The following MEG3 variants were observed in gnomAD, a reference collection of about 807,000 sequenced individuals.
MEG3 encodes maternally expressed 3.
intron 2 of MEG3, among the ~76,000 whole-genome samples, chr14:100,838,190 A>C (rs1352309762): frequency 6.6e-6 from 1 of 152,150 alleles, no homozygotes; most frequent in Admixed American, 6.5e-5. Flanking sequence ...GACTTTCCCA[A>C]GGTGGACTAA....
chr14:100,838,620 C>T (rs145764070), intron 2 of MEG3, among the ~76,000 whole-genome samples: 1 of 152,300 alleles, frequency 6.6e-6, no homozygotes, highest in Non-Finnish European at 1.5e-5. Flanking sequence ...GACCCTGTCA[C>T]ATCAGCGGAG....
At chr14:100,855,765 C>T (rs1022706764), upstream of MEG3, 24 of 152,302 alleles carry the variant, frequency 1.6e-4, no homozygotes, top group African/African-American at 5.3e-4. Context: ...ACAATGAACA[C>T]GTTGGTAAAG....
At chr14:100,851,394 G>C (rs912256141) in intron 3 of MEG3, 1 of 152,230 alleles carries the variant, frequency 6.6e-6, no homozygotes, top group Non-Finnish European at 1.5e-5. Context: ...TGCCACCCTG[G>C]GTGTGGCACC....
At chr14:100,842,870 A>G (rs1357373136) in intron 2 of MEG3, among the ~76,000 whole-genome samples, 1 of 152,192 alleles carries the variant, frequency 6.6e-6, no homozygotes, top group Non-Finnish European at 1.5e-5. Flanking sequence ...CACTGCACGC[A>G]CTTATGAGGT....
intron 2 of MEG3, among the ~76,000 whole-genome samples, chr14:100,843,274 C>T (rs898066842): frequency 2.0e-5 from 3 of 152,186 alleles, no homozygotes; most frequent in Non-Finnish European, 2.9e-5. Context: ...ACAAAGCACC[C>T]GCCTCTGATT....
chr14:100,852,852 ACT>A (rs1299485027), upstream of MEG3: 2 of 174,502 alleles, frequency 1.1e-5, no homozygotes, highest in African/African-American at 4.8e-5. Context: ...AGTGGGTCGA[ACT>A]GAGCCAATGA....
Position 100,845,193 on chromosome 14 carries a change from C to T in MEG3, n.3046-265C>T, listed in dbSNP as rs2037880730. 6.6e-6 allele frequency among the ~76,000 whole-genome samples: 1 copy of T among 152,230 alleles called. No individual in the cohort carries two copies. The highest frequency in any genetic ancestry group is 1.5e-5 in the Non-Finnish European group (1 of 68,042). ...TCCTAAGCCTTTGGGTCCCACAGAG[C>T]ACGACTTCGCTCCGTGAACAGCACC... is the stretch of plus-strand genomic sequence containing the variant. On this transcript the variant is annotated intron_variant and non_coding_transcript_variant, in intron 2 of 3. Coordinates refer to the MEG3 transcript ENST00000398461. The surrounding 1 kb of genome is among the most constrained non-coding windows in gnomAD (Gnocchi z 5.2).
intron 1 of MEG3, chr14:100,826,382 T>C (rs2139927134): frequency 6.6e-6 from 1 of 152,426 alleles, no homozygotes; most frequent in Admixed American, 6.5e-5. Context: ...GCAACAAAAT[T>C]TGTCAGAAAG....
chr14:100,852,184 T>C (rs1253376054), intron 3 of MEG3: 1 of 377,008 alleles, frequency 2.7e-6, no homozygotes, highest in Non-Finnish European at 5.4e-6. Context: ...GGCGCAGGCA[T>C]GGATGGGGCT....
downstream of MEG3, chr14:100,833,889 T>TTAGTGAGTC (rs1363294981): frequency 6.6e-6 from 1 of 152,232 alleles, no homozygotes; most frequent in Non-Finnish European, 1.5e-5. Flanking sequence ...CCTTCCTCCC[T>TTAGTGAGTC]TAGTGAGTCT....
downstream of MEG3, chr14:100,829,961 G>A (rs1253948563): frequency 3.3e-5 from 5 of 152,178 alleles, no homozygotes; most frequent in African/African-American, 4.8e-5. Context: ...GAGAGGACCC[G>A]TGAGGACTGA....
At chr14:100,834,469 T>G in exon 1 of MEG3, 2 of 312,012 alleles carry the variant, frequency 6.4e-6, no homozygotes, top group Non-Finnish European at 1.3e-5. Flanking sequence ...CCTGCTTGGG[T>G]TTCTGGACTT....
chr14:100,830,811 C>G (rs2037376973), downstream of MEG3: 1 of 152,380 alleles, frequency 6.6e-6, no homozygotes, highest in Non-Finnish European at 1.5e-5. Flanking sequence ...AGAAGCCCAG[C>G]TCAGTGTAGA....
intron 2 of MEG3, among the ~76,000 whole-genome samples, chr14:100,844,602 C>T (rs1034246491): frequency 9.9e-5 from 15 of 152,102 alleles, no homozygotes; most frequent in Non-Finnish European, 7.4e-5. Context: ...CTGTTTGTTC[C>T]GATCGATGGA....
intron 3 of MEG3, chr14:100,851,611 T>G (rs941948943): frequency 6.6e-6 from 1 of 152,264 alleles, no homozygotes; most frequent in Non-Finnish European, 1.5e-5. Flanking sequence ...CAGGTTTCCC[T>G]GGGCAGCAGG....
At chr14:100,826,665 A>T (rs1426397813) in intron 1 of MEG3, among the ~76,000 whole-genome samples, 1 of 152,218 alleles carries the variant, frequency 6.6e-6, no homozygotes, top group East Asian at 1.9e-4. Flanking sequence ...GCACCCGAAT[A>T]GAAGGGTCTC....
intron 2 of MEG3, among the ~76,000 whole-genome samples, chr14:100,839,356 G>A (rs2037683672): frequency 6.6e-6 from 1 of 152,152 alleles, no homozygotes. Flanking sequence ...CTGTTTCTCT[G>A]AGCCCTGTCC....
At chr14:100,852,093 T>G (rs1201394075) in intron 3 of MEG3, 3 of 294,292 alleles carry the variant, frequency 1.0e-5, no homozygotes, top group Non-Finnish European at 1.4e-5. Flanking sequence ...GGCAGGGGAG[T>G]GGGGTGGGGC....
At chr14:100,826,517 C>T (rs893162461) in intron 1 of MEG3, 3 of 152,280 alleles carry the variant, frequency 2.0e-5, no homozygotes, top group Admixed American at 2.0e-4. Context: ...GATGGAACTC[C>T]TCTTGGATTC....
Sources: allele counts gnomAD v4.1 joint callset (sites outside exome capture counted in the v4.1 genomes callset), GRCh38; gene constraint gnomAD v4.1.1; non-coding constraint Gnocchi (gnomAD v3.1); transcripts MANE v1.5; gene names NCBI Gene and HGNC (gene_info 2026-07-23, HGNC 2026-07-21).